The following SGCZ variants were observed in gnomAD, a reference collection of about 807,000 sequenced individuals.
SGCZ encodes zeta-sarcoglycan.
In SGCZ, 40 loss-of-function variants were observed where a neutral mutation model predicts 41.3. The ratio of observed to expected loss-of-function variants is 0.97; its 90% CI spans 0.75 to 1.26. SGCZ has a LOEUF of 1.26. Among genes scored for constraint, SGCZ ranks in the 50% most tolerant of loss-of-function variants. The pLI is 0.00. For missense variants in SGCZ, 552 were observed against 369.8 expected (o/e 1.49, Z -4.04); for synonymous variants, 206 against 137.5 (o/e 1.50, Z -3.49).
At chr8:15,078,490 C>G (rs1805626878) in intron 1 of SGCZ, among the ~76,000 whole-genome samples, 1 of 151,952 alleles carries the variant, frequency 6.6e-6, no homozygotes, top group Non-Finnish European at 1.5e-5. Flanking sequence ...CTTACTCTTT[C>G]AAATCTAGCC....
At chr8:14,521,543 C>T (rs933546913) in intron 2 of SGCZ, among the ~76,000 whole-genome samples, 11 of 152,096 alleles carry the variant, frequency 7.2e-5, no homozygotes, top group Admixed American at 2.0e-4. Flanking sequence ...AGTTGTTTAA[C>T]CATCAATCTA....
At chr8:15,223,784 A>C (rs527328111) in intron 1 of SGCZ, among the ~76,000 whole-genome samples, 125 of 152,326 alleles carry the variant, frequency 8.2e-4, no homozygotes, top group Middle Eastern at 3.4e-3. Flanking sequence ...TGTATTTAAA[A>C]AACGAGAACT....
intron 2 of SGCZ, among the ~76,000 whole-genome samples, chr8:14,376,523 A>G (rs987975310): frequency 6.6e-6 from 1 of 152,148 alleles, no homozygotes; most frequent in African/African-American, 2.4e-5. Context: ...AGATGAACTT[A>G]TACAGAAGAA....
At chr8:14,290,871 T>G (rs1043178591) in intron 3 of SGCZ, among the ~76,000 whole-genome samples, 2 of 152,146 alleles carry the variant, frequency 1.3e-5, no homozygotes, top group Non-Finnish European at 2.9e-5. Flanking sequence ...ATCAGTATGT[T>G]GAAGAGATAT....
At chr8:14,203,709 C>G (rs1390599395) in intron 4 of SGCZ, among the ~76,000 whole-genome samples, 5 of 152,054 alleles carry the variant, frequency 3.3e-5, no homozygotes, top group Admixed American at 6.6e-5. Flanking sequence ...AGTCAAGGAC[C>G]TTATTAACTA....
At chr8:14,894,317 G>C (rs1805118783) in intron 1 of SGCZ, among the ~76,000 whole-genome samples, 1 of 151,964 alleles carries the variant, frequency 6.6e-6, no homozygotes, top group Non-Finnish European at 1.5e-5. Flanking sequence ...CTTTTGAAGA[G>C]CACACTTCTA....
intron 1 of SGCZ, among the ~76,000 whole-genome samples, chr8:14,885,906 C>T (rs1200756753): frequency 1.4e-5 from 2 of 147,990 alleles, no homozygotes; most frequent in Non-Finnish European, 3.0e-5. Context: ...AAAATTCACC[C>T]TTAATACCTA....
chr8:14,668,665 G>A (rs1481913225), intron 1 of SGCZ, among the ~76,000 whole-genome samples: 2 of 152,156 alleles, frequency 1.3e-5, no homozygotes, highest in African/African-American at 4.8e-5. Flanking sequence ...CTGAAGTTAT[G>A]AGGAAATATG....
At chr8:15,188,505 G>A (rs924457065) in intron 1 of SGCZ, among the ~76,000 whole-genome samples, 5 of 152,116 alleles carry the variant, frequency 3.3e-5, no homozygotes, top group South Asian at 2.1e-4. Context: ...GTCATGAAAT[G>A]TGTTGAGATT....
chr8:14,397,168 T>C (rs917404343), intron 2 of SGCZ, among the ~76,000 whole-genome samples: 2 of 152,132 alleles, frequency 1.3e-5, no homozygotes, highest in Non-Finnish European at 2.9e-5. Context: ...GACTGACTTT[T>C]CACTTCACCT....
Position 15,169,300 on chromosome 8 carries a change from T to G in SGCZ, c.39+68285A>C, listed in dbSNP as rs1389742404. Among the ~76,000 whole-genome samples the G allele has an allele frequency of 4.6e-5, 7 of 152,048 alleles. No homozygotes were observed. The East Asian group carries it at 1.4e-3, about 29-fold the overall frequency. On this transcript the variant is annotated intron_variant, in intron 1 of 7. Coordinates refer to ENST00000382080, the MANE Select transcript of SGCZ (RefSeq NM_139167.4). ...GGGAGGAGGGTGTCCTCAGAGAAACTCCAACAGCCTGCCCACTGAGGTGGG... is the reference window on the plus strand; with the variant it reads ...GGGAGGAGGGTGTCCTCAGAGAAACGCCAACAGCCTGCCCACTGAGGTGGG...
intron 1 of SGCZ, among the ~76,000 whole-genome samples, chr8:14,832,995 C>T (rs1585302556): frequency 6.6e-6 from 1 of 151,454 alleles, no homozygotes; most frequent in African/African-American, 2.4e-5. Flanking sequence ...TTGATCATTC[C>T]TTTTATTTTT....
chr8:14,309,107 C>T, intron 3 of SGCZ: 1 of 1,460,046 alleles, frequency 6.8e-7, no homozygotes. Context: ...GGTTGCTAAC[C>T]CAGAACACTA....
intron 5 of SGCZ, among the ~76,000 whole-genome samples, chr8:14,121,613 T>A (rs995801965): frequency 6.6e-6 from 1 of 152,262 alleles, no homozygotes; most frequent in Admixed American, 6.5e-5. Context: ...TAACATCAGA[T>A]AGACTTTTCC....
intron 4 of SGCZ, among the ~76,000 whole-genome samples, chr8:14,235,455 C>A (rs1806721995): frequency 6.6e-6 from 1 of 152,198 alleles, no homozygotes; most frequent in African/African-American, 2.4e-5. Context: ...TCTCCGTCCT[C>A]CTCTTGCTAT....
In SGCZ at chr8:14,164,574, C is replaced by G. The variant is rs770797504; in HGVS notation, c.547+6G>C. On this transcript the variant is annotated splice_donor_region_variant and intron_variant, in intron 5 of 7. Coordinates refer to ENST00000382080, the MANE Select transcript of SGCZ (RefSeq NM_139167.4). ...AACAATTTTTCAAGACCTCCATCTA[C>G]AGTACCTGTAACTTTCAGCTTTTCA... 10 of 1,613,036 alleles carry G rather than the reference C, an allele frequency of 6.2e-6. No individual in the cohort carries two copies. Among genetic ancestry groups the G allele is most frequent in the Non-Finnish European group, 8.5e-6 (10 of 1,179,430 alleles).
At chr8:14,835,237 T>A (rs17120403) in intron 1 of SGCZ, among the ~76,000 whole-genome samples, 12,420 of 152,188 alleles carry the variant, frequency 0.082, 753 homozygotes, top group African/African-American at 0.16. Flanking sequence ...AGACAAAGCC[T>A]TAGGCACCTG....
intron 1 of SGCZ, among the ~76,000 whole-genome samples, chr8:15,013,874 G>A (rs183170123): frequency 6.6e-6 from 1 of 152,204 alleles, no homozygotes. Flanking sequence ...AGACAAAGCA[G>A]TTGGTTTCTA....
intron 1 of SGCZ, among the ~76,000 whole-genome samples, chr8:14,795,216 A>G (rs1801084808): frequency 6.6e-6 from 1 of 152,194 alleles, no homozygotes; most frequent in African/African-American, 2.4e-5. Context: ...TCCTTAGACA[A>G]TTATTGACTA....
Sources: gnomAD v4.1 joint callset for allele counts (sites outside exome capture counted in the v4.1 genomes callset) on GRCh38, gnomAD v4.1.1 for gene constraint, MANE v1.5 for transcripts, NCBI Gene and HGNC (gene_info 2026-07-23, HGNC 2026-07-21) for gene names.